Variants in ROBO2 observed in about 807,000 individuals in gnomAD.
ROBO2 encodes the protein roundabout homolog 2.
In ROBO2, 53 loss-of-function variants were observed where a neutral mutation model predicts 160.8. The observed-to-expected ratio is 0.33, with a 90% confidence interval of 0.26 to 0.41. The LOEUF is 0.41. ROBO2 is among the 10% of genes least tolerant of loss of function. The probability of loss-of-function intolerance (pLI) is 1.00; values close to 1 mark genes in which losing one functional copy is unlikely to be tolerated. For synonymous variants in ROBO2, 664 were observed against 611.7 expected, an observed-to-expected ratio of 1.09 and a Z score of -1.26; for missense variants, 1,577 against 1,722.4, an observed-to-expected ratio of 0.92 and a Z score of 1.49.
intron 5 of ROBO2, among the ~76,000 whole-genome samples, chr3:77,512,122 T>G (rs980493594): frequency 6.6e-6 from 1 of 151,878 alleles, no homozygotes; most frequent in Non-Finnish European, 1.5e-5. Flanking sequence ...AAATAATGGC[T>G]TATTGTGTTC....
At chr3:76,606,642 G>A (rs2087679657) in intron 2 of ROBO2, among the ~76,000 whole-genome samples, 1 of 151,740 alleles carries the variant, frequency 6.6e-6, no homozygotes, top group South Asian at 2.1e-4. Flanking sequence ...AACTTATTCT[G>A]TTGGTTTTTT....
intron 2 of ROBO2, among the ~76,000 whole-genome samples, chr3:76,939,407 C>A (rs1212012978): frequency 6.6e-6 from 1 of 152,072 alleles, no homozygotes; most frequent in Non-Finnish European, 1.5e-5. Context: ...AGACTTAATA[C>A]CAGTGATGAG....
intron 21 of ROBO2, among the ~76,000 whole-genome samples, chr3:77,609,409 T>A (rs901851464): frequency 1.3e-5 from 2 of 152,086 alleles, no homozygotes; most frequent in African/African-American, 4.8e-5. Context: ...GAAACCTGCA[T>A]TTTAAAAGCT....
chr3:76,530,119 G>A (rs2082146565), intron 2 of ROBO2, among the ~76,000 whole-genome samples: 1 of 152,108 alleles, frequency 6.6e-6, no homozygotes, highest in South Asian at 2.1e-4. Context: ...GCCTCAACAG[G>A]CCTGCACCTG....
chr3:77,182,773 C>T (rs543355872), intron 2 of ROBO2, among the ~76,000 whole-genome samples: 1 of 152,148 alleles, frequency 6.6e-6, no homozygotes, highest in Non-Finnish European at 1.5e-5. Context: ...GCTGAAGAAA[C>T]TTTATACAAA....
rs191095035 is a variant in ROBO2 at position 77,180,824 on chromosome 3, T to C, written c.388+82484T>C. On this transcript the variant is annotated intron_variant, in intron 2 of 25. Transcript: ENST00000461745. ...TCTATGATAAAATATTAATGTATAG[T>C]TTTATATGTGGTATACACTTTGACC... Among the ~76,000 whole-genome samples the C allele has an allele frequency of 1.5e-4, 23 of 152,144 alleles. No individual in the cohort carries two copies. In the East Asian group the frequency reaches 3.3e-3, roughly 22 times the overall value.
intron 2 of ROBO2, among the ~76,000 whole-genome samples, chr3:76,941,433 G>C (rs977504458): frequency 6.6e-6 from 1 of 152,008 alleles, no homozygotes; most frequent in Non-Finnish European, 1.5e-5. Flanking sequence ...AGACTCACAA[G>C]GTCCTTCACC....
At chr3:77,486,410 C>T (rs141616193) in intron 4 of ROBO2, among the ~76,000 whole-genome samples, 336 of 152,286 alleles carry the variant, frequency 2.2e-3, no homozygotes, top group Non-Finnish European at 7.2e-4. Flanking sequence ...TATTTCTCTG[C>T]GACCTCACCA....
intron 6 of ROBO2, 130 bp downstream of exon 6, chr3:77,523,032 C>T (rs2090772629): frequency 2.0e-6 from 2 of 1,004,968 alleles, no homozygotes; most frequent in African/African-American, 1.6e-5. Context: ...ATTTTGTGTC[C>T]TCTCTATCAT....
At chr3:77,611,064 C>G (rs1378647031) in intron 21 of ROBO2, among the ~76,000 whole-genome samples, 1 of 151,748 alleles carries the variant, frequency 6.6e-6, no homozygotes, top group East Asian at 2.0e-4. Context: ...TTTGGGAGGC[C>G]AAGGTGGGCG....
intron 2 of ROBO2, among the ~76,000 whole-genome samples, chr3:76,132,211 T>C (rs866101400): frequency 1.3e-5 from 2 of 152,078 alleles, no homozygotes; most frequent in African/African-American, 4.8e-5. Context: ...TTCTTTCCCA[T>C]TGGAGTTACA....
chr3:77,453,115 CTATTT>C (rs2081287872), intron 2 of ROBO2, among the ~76,000 whole-genome samples: 1 of 152,108 alleles, frequency 6.6e-6, no homozygotes, highest in Admixed American at 6.6e-5. Flanking sequence ...ACATCTTATT[CTATTT>C]TCTTATTTAT....
intron 24 of ROBO2, among the ~76,000 whole-genome samples, chr3:77,640,418 A>G (rs1179902172): frequency 6.6e-6 from 1 of 152,080 alleles, no homozygotes; most frequent in Non-Finnish European, 1.5e-5. Context: ...CCGGCCGCAT[A>G]TTTTATATAG....
chr3:76,554,841 A>T (rs2083611321), intron 2 of ROBO2, among the ~76,000 whole-genome samples: 1 of 152,088 alleles, frequency 6.6e-6, no homozygotes, highest in Admixed American at 6.6e-5. Flanking sequence ...TGCTTTCATG[A>T]GTTACAATCC....
chr3:76,770,526 T>C (rs1474656989), intron 2 of ROBO2, among the ~76,000 whole-genome samples: 1 of 151,184 alleles, frequency 6.6e-6, no homozygotes, highest in South Asian at 2.1e-4. Context: ...GATCTGTGAG[T>C]AAAGCTCTTT....
intron 2 of ROBO2, among the ~76,000 whole-genome samples, chr3:75,975,674 A>T (rs1326679129): frequency 1.3e-5 from 2 of 151,622 alleles, no homozygotes; most frequent in African/African-American, 4.8e-5. Flanking sequence ...TAAGAAAATT[A>T]CCTGCTCTGA....
intron 2 of ROBO2, among the ~76,000 whole-genome samples, chr3:76,023,206 G>A (rs772189726): frequency 1.3e-5 from 2 of 151,554 alleles, no homozygotes; most frequent in African/African-American, 2.4e-5. Context: ...TCATATCAGC[G>A]ACAAGTGTGT....
At chr3:77,101,551 T>C (rs1410231015) in intron 2 of ROBO2, among the ~76,000 whole-genome samples, 1 of 152,114 alleles carries the variant, frequency 6.6e-6, no homozygotes, top group African/African-American at 2.4e-5. Context: ...TAGAAGTAGA[T>C]GTGATTTCCA....
intron 2 of ROBO2, among the ~76,000 whole-genome samples, chr3:77,379,601 G>GT (rs1303715957): frequency 6.6e-6 from 1 of 152,108 alleles, no homozygotes; most frequent in Non-Finnish European, 1.5e-5. Context: ...TTTGTACGTC[G>GT]TTTGTTCAGA....
Sources: gnomAD v4.1 joint callset for allele counts (sites outside exome capture counted in the v4.1 genomes callset) on GRCh38, gnomAD v4.1.1 for gene constraint, MANE v1.5 for transcripts, NCBI Gene and HGNC (gene_info 2026-07-23, HGNC 2026-07-21) for gene names.